MROH1: variants seen among roughly 807,000 people sequenced by gnomAD.
The protein encoded by MROH1 is maestro heat like repeat family member 1.
A neutral mutation model predicts 116.5 loss-of-function variants in MROH1; 117 were observed. The ratio of observed to expected loss-of-function variants is 1.00; its 90% CI spans 0.86 to 1.17. The LOEUF is 1.17. MROH1 is among the 50% of genes most tolerant of loss of function. The probability of loss-of-function intolerance (pLI) is 0.00; values close to 1 mark genes in which losing one functional copy is unlikely to be tolerated. For missense variants in MROH1, 1,873 were observed against 1,338.5 expected, an observed-to-expected ratio of 1.40 and a Z score of -6.23; for synonymous variants, 921 against 583.9, an observed-to-expected ratio of 1.58 and a Z score of -8.32.
At chr8:144,175,700 G>T in intron 4 of MROH1, 1 of 406,476 alleles carries the variant, frequency 2.5e-6, no homozygotes, top group Non-Finnish European at 3.3e-6. Context: ...GAGACAAGAG[G>T]ATCGCTTGAG....
intron 29 of MROH1, among the ~76,000 whole-genome samples, chr8:144,245,613 C>T (rs1429239547): frequency 1.3e-5 from 2 of 152,184 alleles, no homozygotes; most frequent in Non-Finnish European, 2.9e-5. Context: ...TTAGATTTTG[C>T]TAAATATCTT....
intron 14 of MROH1, among the ~76,000 whole-genome samples, chr8:144,226,932 G>A (rs546114810): frequency 2.6e-5 from 4 of 152,180 alleles, no homozygotes; most frequent in East Asian, 1.9e-4. Context: ...TTAGATCTTC[G>A]ATTTTGTTCA....
Position 144,249,024 on chromosome 8 carries a change from G to A in MROH1, c.3268G>A (p.Glu1090Lys). The change falls in exon 32 of 44, where the codon GAG (glutamate) becomes AAG (lysine). Residue 1090 changes from glutamate to lysine, a missense_variant. Glu to Lys is a moderately conservative substitution (Grantham distance 56). Coordinates refer to ENST00000326134, the MANE Select transcript of MROH1 (RefSeq NM_032450.3). ...LLQERGGVLQEKVPEIVSVLR... is the reference protein window; with the variant it reads ...LLQERGGVLQKKVPEIVSVLR... ...GCAGGAGCGGGGCGGTGTGCTCCAGGAGAAGGTGGGAGAGGGCGGGGCGCG... is the reference window on the plus strand; with the variant it reads ...GCAGGAGCGGGGCGGTGTGCTCCAGAAGAAGGTGGGAGAGGGCGGGGCGCG... The A allele has an allele frequency of 1.4e-6, 1 of 713,394 alleles. No homozygotes were observed. The highest frequency in any genetic ancestry group is 2.6e-6 in the Non-Finnish European group (1 of 383,234). The allele number at this position is 713,394 out of a possible 1,614,324, so 44.2% of individuals were successfully genotyped here. A position where few individuals can be genotyped will look rare whatever the true frequency, so the allele number is the denominator to read the frequency against.
chr8:144,208,024 A>C (rs1833238236), intron 12 of MROH1, among the ~76,000 whole-genome samples: 1 of 150,122 alleles, frequency 6.7e-6, no homozygotes, highest in Admixed American at 6.6e-5. Flanking sequence ...CAGCTCGCTG[A>C]AGCCTCCACC....
intron 10 of MROH1, among the ~76,000 whole-genome samples, chr8:144,195,217 A>AAAAAAAAAAAAAAAC: frequency 7.1e-6 from 1 of 141,140 alleles, no homozygotes; most frequent in African/African-American, 2.5e-5. Context: ...AAAAAAAAAA[A>AAAAAAAAAAAAAAAC]AAGGCCGAGT....
At chr8:144,171,405 G>A (rs557903401) in intron 4 of MROH1, among the ~76,000 whole-genome samples, 7 of 152,306 alleles carry the variant, frequency 4.6e-5, no homozygotes, top group African/African-American at 1.4e-4. Flanking sequence ...CGGAGCTCCC[G>A]GGCCCTCCTG....
intron 4 of MROH1, among the ~76,000 whole-genome samples, chr8:144,178,003 C>T (rs1193713874): frequency 4.0e-5 from 6 of 149,100 alleles, no homozygotes; most frequent in African/African-American, 7.4e-5. Flanking sequence ...CTTGCTCTGT[C>T]GCCCAGGCTG....
rs921183039 is a variant in MROH1, at chr8:144,261,845, C to G, written c.*105C>G. ...CAGCCTGGGCACACGACTGGAGGGGCCTGGCCCCAGAACAGGCACTGCTGG... is the reference window on the plus strand; with the variant it reads ...CAGCCTGGGCACACGACTGGAGGGGGCTGGCCCCAGAACAGGCACTGCTGG... On this transcript the variant is annotated 3_prime_UTR_variant, in exon 44 of 44. Transcript: ENST00000326134. 9.7e-3 allele frequency: 6,779 copies of G among 696,056 alleles called. 76 individuals carry two copies. The highest frequency in any genetic ancestry group is 0.027 in the South Asian group (1,775 of 66,788). The allele number at this position is 696,056 out of a possible 1,614,324, so 43.1% of individuals were successfully genotyped here.
chr8:144,225,248 T>C (rs1343815628), intron 14 of MROH1, among the ~76,000 whole-genome samples: 2 of 152,234 alleles, frequency 1.3e-5, no homozygotes, highest in African/African-American at 2.4e-5. Context: ...TTTCTTGTTA[T>C]AGAATTTTGA....
At chr8:144,225,984 A>C (rs981361902) in intron 14 of MROH1, among the ~76,000 whole-genome samples, 1 of 133,898 alleles carries the variant, frequency 7.5e-6, no homozygotes, top group Non-Finnish European at 1.5e-5. Context: ...GCGTGATCTC[A>C]GCTCACTGCA....
chr8:144,227,168 G>A (rs146098380), intron 14 of MROH1, among the ~76,000 whole-genome samples: 41 of 152,320 alleles, frequency 2.7e-4, no homozygotes, highest in African/African-American at 9.1e-4. Flanking sequence ...TCTACATAGA[G>A]CATCATGTCT....
At chr8:144,183,635 C>T (rs1431711423) in intron 7 of MROH1, among the ~76,000 whole-genome samples, 5 of 151,074 alleles carry the variant, frequency 3.3e-5, no homozygotes, top group African/African-American at 1.2e-4. Flanking sequence ...CAAGGCCTTT[C>T]TTCTTCTTTT....
intron 12 of MROH1, among the ~76,000 whole-genome samples, chr8:144,215,074 T>A (rs1239449135): frequency 6.6e-6 from 1 of 152,196 alleles, no homozygotes; most frequent in Non-Finnish European, 1.5e-5. Context: ...TGGGTCTGCC[T>A]TTCCCAGTCC....
chr8:144,211,571 C>T (rs953571519), intron 12 of MROH1, among the ~76,000 whole-genome samples: 2 of 151,858 alleles, frequency 1.3e-5, no homozygotes, highest in Non-Finnish European at 2.9e-5. Flanking sequence ...CTAAAAAATA[C>T]AAAAATTAGC....
At chr8:144,258,190 A>G (rs980926629) in intron 35 of MROH1, among the ~76,000 whole-genome samples, 6,756 of 152,232 alleles carry the variant, frequency 0.044, 187 homozygotes, top group Middle Eastern at 0.088. Flanking sequence ...TGCCTGGTGG[A>G]GGTCTGGGGA....
intron 1 of MROH1, among the ~76,000 whole-genome samples, chr8:144,149,348 T>C (rs1816185254): frequency 6.6e-6 from 1 of 152,142 alleles, no homozygotes; most frequent in African/African-American, 2.4e-5. Context: ...AAGGTGTTTT[T>C]GTTAACTTGA....
chr8:144,198,260 C>G (rs1304032168), intron 10 of MROH1, among the ~76,000 whole-genome samples: 1 of 152,064 alleles, frequency 6.6e-6, no homozygotes, highest in African/African-American at 2.4e-5. Context: ...CTTTGGAGCT[C>G]TTTGTGCAGA....
chr8:144,150,263 G>A (rs1467473507), intron 1 of MROH1, among the ~76,000 whole-genome samples: 1 of 152,172 alleles, frequency 6.6e-6, no homozygotes, highest in Non-Finnish European at 1.5e-5. Flanking sequence ...TGAAAAGGAA[G>A]CAGCTCTTTC....
rs1844764589 is a variant in MROH1 at position 144,260,236 on chromosome 8, C to T, written c.4242C>T (p.Asp1414=). 1.6e-5 allele frequency: 12 copies of T among 765,850 alleles called. No individual in the cohort carries two copies. The highest frequency in any genetic ancestry group is 3.4e-5 in the Admixed American group (2 of 58,974). The allele number at this position is 765,850 out of a possible 1,614,324, so 47.4% of individuals were successfully genotyped here. Residue 1414 remains aspartate (D), a synonymous_variant, in exon 39 of 44, where the codon GAC becomes GAT. Coordinates refer to ENST00000326134, the MANE Select transcript of MROH1 (RefSeq NM_032450.3). ...TCACAGCCATGATTGGCGGGCTGGA[C>T]GACGGGGACAACCCTCACAGCCCAG... ...QLLTAMIGGL[D]DGDNPHSPVA... is the part of the protein sequence containing the mutation.
Sources: gnomAD v4.1 joint callset for allele counts (sites outside exome capture counted in the v4.1 genomes callset) on GRCh38, gnomAD v4.1.1 for gene constraint, MANE v1.5 for transcripts, NCBI Gene and HGNC (gene_info 2026-07-23, HGNC 2026-07-21) for gene names.